Variants in POLR1B observed in about 807,000 individuals in gnomAD.
POLR1B encodes the protein DNA-directed RNA polymerase I subunit RPA2.
In POLR1B, 30 loss-of-function variants were observed where a neutral mutation model predicts 105.8. The ratio of observed to expected loss-of-function variants is 0.28; its 90% confidence interval spans 0.21 to 0.38. The LOEUF is 0.38. Ranked by LOEUF, POLR1B falls within the 10% of genes least tolerant of loss-of-function variation. The pLI, the probability that POLR1B is intolerant of heterozygous loss-of-function variation, is 1.00. For synonymous variants in POLR1B, 485 were observed against 505.1 expected, an observed-to-expected ratio of 0.96 and a Z score of 0.53; for missense variants, 976 against 1,435.8, an observed-to-expected ratio of 0.68 and a Z score of 5.17.
At chr2:112,569,967 T>C (rs932130007) in intron 12 of POLR1B, among the ~76,000 whole-genome samples, 2 of 152,160 alleles carry the variant, frequency 1.3e-5, no homozygotes, top group African/African-American at 2.4e-5. Context: ...CTATCAGTTA[T>C]TCATATATTT....
chr2:112,550,719 T>C (rs1683322573), intron 4 of POLR1B, 147 bp from the exon 5 acceptor site: 3 of 759,536 alleles, frequency 3.9e-6, no homozygotes, highest in Non-Finnish European at 6.3e-6. Context: ...TGCTGAGGTT[T>C]AGAAACATTT....
rs1158489698 is a variant in POLR1B, at chr2:112,547,514, A to C, written c.439A>C (p.Asn147His). Residue 147 changes from asparagine (N) to histidine (H), a missense_variant, in exon 3 of 15, where the codon AAC (asparagine) becomes CAC (histidine). Around this residue, in one of 12 missense-constraint regions of POLR1B, gnomAD observed 452 missense variants for 616.5 expected, o/e 0.73. Transcript: ENST00000263331. The part of the protein sequence containing the change: ...VPIMVKSKLC[N>H]LRNLPPQALI... Reference sequence around the variant, plus strand: ...CATCATGGTGAAATCCAAGCTTTGCAACTTACGTAACCTTCCCCCACAAGC... The same window carrying C: ...CATCATGGTGAAATCCAAGCTTTGCCACTTACGTAACCTTCCCCCACAAGC... 7.4e-6 allele frequency: 12 copies of C among 1,614,182 alleles called. No homozygotes were observed. The highest frequency in any genetic ancestry group is 1.0e-5 in the Non-Finnish European group (12 of 1,180,030).
rs76626447 is a variant in POLR1B at position 112,576,921 on chromosome 2, T to C, written c.*1192T>C. ...TACTTGGCTTTTTTCTGCTTTTATA[T>C]TGATCTGCTTTCATAGCAGTGTGTA... On this transcript the variant is annotated 3_prime_UTR_variant, in exon 15 of 15. Transcript: ENST00000263331. 4 of 152,380 alleles carry C rather than the reference T, an allele frequency of 2.6e-5. No homozygotes were observed. The East Asian group carries it at 7.7e-4, about 29-fold the overall frequency. The allele number at this position is 152,380 out of a possible 1,614,324, so 9.4% of individuals were successfully genotyped here. A position where few individuals can be genotyped will look rare whatever the true frequency, so the allele number is the denominator to read the frequency against.
At position 112,575,852 on chromosome 2, in the gene POLR1B, C is replaced by G; in HGVS notation, c.*123C>G. ...TTTCAACGGTGTTAGAACTCTCAAC[C>G]AAGACCTGAAAACCAAGTATGCAAG... is the stretch of plus-strand genomic sequence containing the variant. On this transcript the variant is annotated 3_prime_UTR_variant, in exon 15 of 15. Transcript: ENST00000263331. This position sits in a 1 kb window ranked among gnomAD's most constrained non-coding sequence, Gnocchi z 5.3. 1 of 1,088,214 alleles carries G rather than the reference C, an allele frequency of 9.2e-7. No homozygotes were observed. The highest frequency in any genetic ancestry group is 1.6e-5 in the South Asian group (1 of 62,180). 67.4% of individuals were successfully genotyped at this position (1,088,214 alleles called of 1,614,324 possible). A position where few individuals can be genotyped will look rare whatever the true frequency, so the allele number is the denominator to read the frequency against.
intron 1 of POLR1B, 145 bp downstream of exon 1, chr2:112,542,816 C>A: frequency 1.9e-6 from 2 of 1,053,054 alleles, no homozygotes; most frequent in Non-Finnish European, 2.7e-6. Flanking sequence ...ACATGTTAAA[C>A]AGGACGCGGT....
rs1033034026 is a variant in POLR1B, at chr2:112,579,348, G to C, written c.*3619G>C. The C allele has an allele frequency of 6.6e-6, 1 of 151,808 alleles. No homozygotes were observed. Among genetic ancestry groups the C allele is most frequent in the Middle Eastern group, 3.2e-3 (1 of 314 alleles). The allele number at this position is 151,808 out of a possible 1,614,324, so 9.4% of individuals were successfully genotyped here. A position where few individuals can be genotyped will look rare whatever the true frequency, so the allele number is the denominator to read the frequency against. On this transcript the variant is annotated 3_prime_UTR_variant, in exon 15 of 15. Coordinates refer to ENST00000263331, the MANE Select transcript of POLR1B (RefSeq NM_019014.6). Reference sequence around the variant, plus strand: ...AAGACTGGGATTGCTGGGTCATATGGTAGTTGCATATTTCATTTAATAAAC... The same window carrying C: ...AAGACTGGGATTGCTGGGTCATATGCTAGTTGCATATTTCATTTAATAAAC...
intron 12 of POLR1B, among the ~76,000 whole-genome samples, chr2:112,569,562 CTTTTT>C (rs1290911320): frequency 1.4e-5 from 2 of 140,616 alleles, no homozygotes; most frequent in African/African-American, 2.6e-5. Context: ...TAGTGTGTTT[CTTTTT>C]TTTTTTTTTT....
rs1401611540 is a variant in POLR1B, at chr2:112,552,778, G to A, written c.1120G>A (p.Val374Ile). 6.2e-7 allele frequency: 1 copy of A among 1,607,834 alleles called. No individual in the cohort carries two copies. The highest frequency in any genetic ancestry group is 1.7e-5 in the Admixed American group (1 of 58,744). ...TCCTGATAGTTTGGTGAACCAGGAA[G>A]TCCTCACACCGGGTCAGCTCTTCCT... ...DNPDSLVNQE[V>I]LTPGQLFLMF... Residue 374 changes from valine to isoleucine, a missense_variant, in exon 7 of 15, where the codon GTC becomes ATC. Transcript: ENST00000263331.
In POLR1B at chr2:112,559,381, C is replaced by T; in HGVS notation, c.1419C>T (p.His473=). Residue 473 remains histidine, a synonymous_variant, in exon 9 of 15, where the codon CAC becomes CAT. Coordinates refer to ENST00000263331, the MANE Select transcript of POLR1B (RefSeq NM_019014.6). Reference sequence around the variant, plus strand: ...ACCTCTCCCATTTCCGCTGCGTGCACAGAGGGGCTGATTTTGCCAAGATGA... The same window carrying T: ...ACCTCTCCCATTTCCGCTGCGTGCATAGAGGGGCTGATTTTGCCAAGATGA... ...IRYLSHFRCV[H]RGADFAKMRT... The T allele has an allele frequency of 1.9e-6, 3 of 1,614,194 alleles. No homozygotes were observed. The highest frequency in any genetic ancestry group is 8.5e-7 in the Non-Finnish European group (1 of 1,180,034).
Position 112,547,093 on chromosome 2 carries a change from G to A in POLR1B, c.259G>A (p.Val87Ile). The change falls in exon 2 of 15, where the codon GTT becomes ATT. Residue 87 changes from valine to isoleucine, a missense_variant. By Grantham distance (29) the Val-to-Ile change is conservative. Transcript: ENST00000263331. The part of the protein sequence containing the change: ...ILDAVISPPT[V>I]PKGTICKEAN... ...GGATGCTGTTATCAGTCCACCTACA[G>A]TTCCAAAAGGGACCATCTGCAAAGA... 4 of 1,614,194 alleles carry A rather than the reference G, an allele frequency of 2.5e-6. No homozygotes were observed. The highest frequency in any genetic ancestry group is 3.4e-6 in the Non-Finnish European group (4 of 1,180,036).
intron 7 of POLR1B, 82 bp downstream of exon 7, chr2:112,552,898 C>A: frequency 7.9e-7 from 1 of 1,258,372 alleles, no homozygotes; most frequent in Non-Finnish European, 1.0e-6. Flanking sequence ...CTGTTTTCTG[C>A]ATGTTTATAG....
At chr2:112,573,844 T>A in intron 14 of POLR1B, 29 bp downstream of exon 14, 1 of 1,597,712 alleles carries the variant, frequency 6.3e-7, no homozygotes, top group Non-Finnish European at 8.5e-7. Context: ...GCTGTTTTGT[T>A]TTTGTTTTTG....
chr2:112,573,396 C>T (rs192564734), intron 13 of POLR1B, among the ~76,000 whole-genome samples, 166 bp from the exon 14 acceptor site: 223 of 152,308 alleles, frequency 1.5e-3, no homozygotes, highest in African/African-American at 5.1e-3. Context: ...AGCCACCGTG[C>T]CCAGCCATGT....
chr2:112,547,595 A>T, intron 3 of POLR1B, 28 bp downstream of exon 3: 2 of 1,605,620 alleles, frequency 1.2e-6, no homozygotes, highest in Non-Finnish European at 8.5e-7. Flanking sequence ...GGCATGAGAC[A>T]GTAGAGAAGG....
intron 4 of POLR1B, 116 bp downstream of exon 4, chr2:112,549,515 T>TC: frequency 1.2e-6 from 1 of 801,502 alleles, no homozygotes; most frequent in Non-Finnish European, 1.8e-6. Context: ...TTTTTTTTTT[T>TC]TGGTAGGGAT....
chr2:112,562,132 G>T (rs994230467), intron 9 of POLR1B, among the ~76,000 whole-genome samples: 3 of 152,150 alleles, frequency 2.0e-5, no homozygotes, highest in Admixed American at 2.0e-4. Flanking sequence ...CAGCTGCGGG[G>T]AGCATCTGCA....
intron 12 of POLR1B, among the ~76,000 whole-genome samples, chr2:112,571,328 A>C (rs1303089638): frequency 6.6e-6 from 1 of 152,150 alleles, no homozygotes; most frequent in African/African-American, 2.4e-5. Context: ...GTATGTTTTA[A>C]ACCCTGGATC....
chr2:112,572,328 T>C, intron 12 of POLR1B, among the ~76,000 whole-genome samples: 1 of 152,248 alleles, frequency 6.6e-6, no homozygotes, highest in Non-Finnish European at 1.5e-5. Context: ...ATATTAAATG[T>C]CAGTCTGCAC....
rs56190123 is a variant in POLR1B, at chr2:112,579,208, CAAAAAAAAAAAAAA to C, written c.*3498_*3511del. ...GGGCAACAGAGCAAGACTAGAGTCTCAAAAAAAAAAAAAAAAAAAAAAAAAAAAAAAAGGAAAGC... is the reference window on the plus strand; with the variant it reads ...GGGCAACAGAGCAAGACTAGAGTCTCAAAAAAAAAAAAAAAAAAGGAAAGC... On this transcript the variant is annotated 3_prime_UTR_variant, in exon 15 of 15. Coordinates refer to ENST00000263331, the MANE Select transcript of POLR1B (RefSeq NM_019014.6). Among the ~76,000 whole-genome samples, 83 of 58,698 alleles carry C rather than the reference CAAAAAAAAAAAAAA, an allele frequency of 1.4e-3. 1 individual carries two copies. Among genetic ancestry groups the C allele is most frequent in the South Asian group, 5.1e-3 (5 of 988 alleles). 38.5% of individuals were successfully genotyped at this position (58,698 alleles called of 152,430 possible). A position where few individuals can be genotyped will look rare whatever the true frequency, so the allele number is the denominator to read the frequency against.
Sources: gnomAD v4.1 joint callset for allele counts (sites outside exome capture counted in the v4.1 genomes callset) on GRCh38, gnomAD v4.1.1 for gene constraint, gnomAD v4.1.1 regional missense constraint, Gnocchi (gnomAD v3.1) non-coding constraint, MANE v1.5 for transcripts, NCBI Gene and HGNC (gene_info 2026-07-23, HGNC 2026-07-21) for gene names.